Variants in NOX1 observed in about 807,000 individuals in gnomAD.
The protein encoded by NOX1 is NADPH oxidase 1, also known as NADH/NADPH mitogenic oxidase subunit P65-MOX.
In NOX1, 34 loss-of-function variants were observed where a neutral mutation model predicts 42.5. That is an observed-to-expected ratio of 0.80 (90% CI 0.61 to 1.07). The LOEUF (loss-of-function observed/expected upper bound fraction) is 1.07. Ranked by LOEUF, NOX1 falls within the 50% of genes least tolerant of loss-of-function variation. The pLI is 0.00. For synonymous variants in NOX1, 143 were observed against 152.5 expected (o/e 0.94, Z 0.46); for missense variants, 408 against 427.0 (o/e 0.96, Z 0.39).
rs1218126004 is a variant in NOX1 at position 100,843,640 on chromosome X, A to G, written c.*312T>C. On this transcript the variant is annotated 3_prime_UTR_variant, in exon 13 of 13. Transcript: ENST00000372966. ...GATAAAATCACCTGGGATTAGTTGT[A>G]TAACTCTGAACCACCAAACCTCTGC... 1 of 459,388 alleles carries G rather than the reference A, an allele frequency of 2.2e-6. No homozygotes were observed. The highest frequency in any genetic ancestry group is 4.4e-5 in the East Asian group (1 of 22,664). 37.9% of individuals were successfully genotyped at this position (459,388 alleles called of 1,213,427 possible).
At position 100,870,370 on chromosome X, in the gene NOX1, T is replaced by G. The variant is rs1002338099; in HGVS notation, c.141+349A>C. The stretch of plus-strand genomic sequence containing the variant: ...TTCTGGAAACCAGTTTGAAAACAAC[T>G]GCCTAATAGTTTTCTTTATTGCATG... On this transcript the variant is annotated intron_variant, in intron 2 of 12. Coordinates refer to ENST00000372966, the MANE Select transcript of NOX1 (RefSeq NM_007052.5). Among the ~76,000 whole-genome samples the G allele has an allele frequency of 3.6e-5, 4 of 111,326 alleles. No individual in the cohort carries two copies. In the Admixed American group the frequency reaches 3.8e-4, roughly 11 times the overall value.
rs773049273 is a variant in NOX1, at chrX:100,845,611, GTT to G, written c.1569-1535_1569-1534del. 2.8e-3 allele frequency among the ~76,000 whole-genome samples: 119 copies of G among 42,759 alleles called. 1 individual carries two copies. Among genetic ancestry groups the G allele is most frequent in the African/African-American group, 6.8e-3 (57 of 8,341 alleles). The allele number at this position is 42,759 out of a possible 115,157, so 37.1% of individuals were successfully genotyped here. A position where few individuals can be genotyped will look rare whatever the true frequency, so the allele number is the denominator to read the frequency against. On this transcript the variant is annotated intron_variant, in intron 12 of 12. Transcript: ENST00000372966. ...TTGCTGGGTCATATGGAAACTATGT[GTT>G]TTTTTTTTTTTTTTTTTTTTGAGAC...
chrX:100,862,577 T>C lies in NOX1; in HGVS notation c.490-4A>G, dbSNP rs1184704099. 1.7e-6 allele frequency: 2 copies of C among 1,204,532 alleles called. No homozygotes were observed. The highest frequency in any genetic ancestry group is 2.2e-5 in the Admixed American group (1 of 45,377). ...TGAATGTCACATACTCCACTGTCTG[T>C]GAAAGGAGAAATGTCAGCCTGACAC... On this transcript the variant is annotated splice_region_variant and splice_polypyrimidine_tract_variant and intron_variant, in intron 5 of 12. Coordinates refer to ENST00000372966, the MANE Select transcript of NOX1 (RefSeq NM_007052.5).
At chrX:100,853,500 A>G (rs1285502484) in intron 7 of NOX1, among the ~76,000 whole-genome samples, 4 of 93,599 alleles carry the variant, frequency 4.3e-5, no homozygotes, top group Non-Finnish European at 9.0e-5. Flanking sequence ...TCCCGGGTTC[A>G]AGCAACTCTC....
In NOX1 at chrX:100,855,742, A is replaced by C. The variant is rs147439987; in HGVS notation, c.805-4417T>G. On this transcript the variant is annotated intron_variant, in intron 7 of 12. Transcript: ENST00000372966. ...CCACCAAAGCCACCATGACCACTGA[A>C]GTTTCCTCCACAACCAAAGTTTTCA... The C allele has an allele frequency of 3.0e-3, 3,028 of 1,017,704 alleles. 50 individuals are homozygous for C. In the African/African-American group the frequency reaches 0.048, roughly 16 times the overall value. The allele number at this position is 1,017,704 out of a possible 1,213,427, so 83.9% of individuals were successfully genotyped here. A position where few individuals can be genotyped will look rare whatever the true frequency, so the allele number is the denominator to read the frequency against.
At chrX:100,859,288 G>C (rs916882197) in intron 7 of NOX1, among the ~76,000 whole-genome samples, 1 of 112,162 alleles carries the variant, frequency 8.9e-6, no homozygotes, top group Admixed American at 9.5e-5. Context: ...AAGCCTACTT[G>C]ATCGTGGTGG....
rs140289282 is a variant in NOX1 at position 100,843,880 on chromosome X, C to A, written c.*72G>T. On this transcript the variant is annotated 3_prime_UTR_variant, in exon 13 of 13. Coordinates refer to ENST00000372966, the MANE Select transcript of NOX1 (RefSeq NM_007052.5). The stretch of plus-strand genomic sequence containing the variant: ...TCTTATCCTAAAGTGACTGCTCAAA[C>A]CTGACGAGACCAAGTAAATTACTGA... The A allele has an allele frequency of 3.4e-3, 3,263 of 965,742 alleles. 38 individuals are homozygous for A. Among genetic ancestry groups the A allele is most frequent in the East Asian group, 0.029 (921 of 32,015 alleles). 79.6% of individuals were successfully genotyped at this position (965,742 alleles called of 1,213,427 possible). A position where few individuals can be genotyped will look rare whatever the true frequency, so the allele number is the denominator to read the frequency against.
chrX:100,874,237 A>G lies in NOX1; in HGVS notation c.-98T>C, dbSNP rs1374284795. On this transcript the variant is annotated 5_prime_UTR_variant, in exon 1 of 13. Transcript: ENST00000372966. ...CAGGAATGGAACATTTGTCCAGCGC[A>G]GGGTCTGTGAGCCTTTAAGATGTGA... The G allele has an allele frequency of 6.9e-5, 39 of 568,757 alleles. No homozygotes were observed. In the South Asian group the frequency reaches 9.3e-4, roughly 14 times the overall value. The allele number at this position is 568,757 out of a possible 1,213,427, so 46.9% of individuals were successfully genotyped here. A position where few individuals can be genotyped will look rare whatever the true frequency, so the allele number is the denominator to read the frequency against.
At position 100,849,948 on chromosome X, in the gene NOX1, G is replaced by A. The variant is rs373968764; in HGVS notation, c.1134-14C>T. 2.5e-6 allele frequency: 3 copies of A among 1,180,587 alleles called. No homozygotes were observed. Among genetic ancestry groups the A allele is most frequent in the Non-Finnish European group, 3.4e-6 (3 of 880,958 alleles). On this transcript the variant is annotated splice_polypyrimidine_tract_variant and intron_variant, in intron 9 of 12. Transcript: ENST00000372966. ...TCCACTTCAATCCTGGCAGAAGACAGAAGATAACGGGCAACTGAAGACTCC... is the reference window on the plus strand; with the variant it reads ...TCCACTTCAATCCTGGCAGAAGACAAAAGATAACGGGCAACTGAAGACTCC...
intron 2 of NOX1, among the ~76,000 whole-genome samples, chrX:100,867,253 C>A (rs1212308942): frequency 9.0e-6 from 1 of 111,334 alleles, no homozygotes; most frequent in Admixed American, 9.5e-5. Flanking sequence ...ATCTCCTGAC[C>A]TCGTGATCCG....
In NOX1 at chrX:100,862,273, G is replaced by A; in HGVS notation, c.702C>T (p.Ser234=). ...ACTTGCGAGGATGACTCTCATTCAT[G>A]CTCTCCTCTGTTTGACCCCGGACAA... ...GGIVRGQTEE[S]MNESHPRKCA... Residue 234 remains serine (S), a synonymous_variant, in exon 7 of 13, where the codon AGC becomes AGT. Coordinates refer to ENST00000372966, the MANE Select transcript of NOX1 (RefSeq NM_007052.5). 1 of 1,210,700 alleles carries A rather than the reference G, an allele frequency of 8.3e-7. No individual in the cohort carries two copies. Among genetic ancestry groups the A allele is most frequent in the Non-Finnish European group, 1.1e-6 (1 of 894,948 alleles).
chrX:100,853,256 TCCTTC>T (rs2085129157), intron 7 of NOX1, among the ~76,000 whole-genome samples: 1 of 38,077 alleles, frequency 2.6e-5, no homozygotes, highest in East Asian at 4.9e-4. Flanking sequence ...CTTCCTTCCT[TCCTTC>T]CTTTCTTTCT....
In NOX1 at chrX:100,854,329, AT is replaced by A. The variant is rs1007409206; in HGVS notation, c.805-3005del. On this transcript the variant is annotated intron_variant, in intron 7 of 12. Transcript: ENST00000372966. ...TAAATGGGGTGAATATGGAGAGAGT[AT>A]TTTTTAAATGTTTATGGAAGAAACA... is the stretch of plus-strand genomic sequence containing the variant. Among the ~76,000 whole-genome samples the A allele has an allele frequency of 3.6e-5, 4 of 111,744 alleles. No homozygotes were observed. In the Admixed American group the frequency reaches 3.8e-4, roughly 11 times the overall value.
In NOX1 at chrX:100,862,249, C is replaced by CT; in HGVS notation, c.725dup (p.Cys243ValfsTer6). On this transcript the variant is annotated frameshift_variant, in exon 7 of 13. Transcript: ENST00000372966. LOFTEE classifies it high-confidence loss of function. Reference sequence around the variant, plus strand: ...CCCACATCTCAAAAGACTCTGCACACTTGCGAGGATGACTCTCATTCATGC... The same window carrying CT: ...CCCACATCTCAAAAGACTCTGCACACTTTGCGAGGATGACTCTCATTCATGC... 8.3e-7 allele frequency: 1 copy of CT among 1,211,080 alleles called. No individual in the cohort carries two copies. The highest frequency in any genetic ancestry group is 1.1e-6 in the Non-Finnish European group (1 of 895,071).
intron 7 of NOX1, among the ~76,000 whole-genome samples, chrX:100,851,656 C>T (rs111728009): frequency 0.024 from 2,731 of 111,850 alleles, 73 homozygotes; most frequent in African/African-American, 0.085. Flanking sequence ...CACAGTGGCT[C>T]ATCCTAGCAC....
intron 4 of NOX1, 39 bp from the exon 5 acceptor site, chrX:100,862,859 C>A: frequency 8.8e-7 from 1 of 1,130,241 alleles, no homozygotes; most frequent in Admixed American, 2.5e-5. Context: ...AGAGGCATCT[C>A]AGCAACATCA....
chrX:100,849,349 C>T lies in NOX1; in HGVS notation c.1374G>A (p.Glu458=), dbSNP rs1164810050. The change falls in exon 11 of 13, where the codon GAG becomes GAA. Residue 458 remains glutamate (E), a synonymous_variant. Transcript: ENST00000372966. ...FNNLLTSLEQ[E]MEELGKVGFL... Reference sequence around the variant, plus strand: ...AACCCACTTTGCCTAATTCCTCCATCTCCTGTTCCAGGGAAGTCAACAGGT... The same window carrying T: ...AACCCACTTTGCCTAATTCCTCCATTTCCTGTTCCAGGGAAGTCAACAGGT... 6 of 1,210,937 alleles carry T rather than the reference C, an allele frequency of 5.0e-6. No homozygotes were observed. The highest frequency in any genetic ancestry group is 6.7e-6 in the Non-Finnish European group (6 of 894,571).
chrX:100,853,268 T>TTC (rs1569445482), intron 7 of NOX1, among the ~76,000 whole-genome samples: 5 of 42,343 alleles, frequency 1.2e-4, no homozygotes, highest in African/African-American at 5.5e-4. Flanking sequence ...CTTCCTTTCT[T>TTC]TCTTTCTTTC....
At chrX:100,855,808 G>C in intron 7 of NOX1, 1 of 1,118,614 alleles carries the variant, frequency 8.9e-7, no homozygotes, top group Non-Finnish European at 1.2e-6. Context: ...CGACCTCTTT[G>C]GCTGGATGAA....
Sources: gnomAD v4.1 joint callset for allele counts (sites outside exome capture counted in the v4.1 genomes callset) on GRCh38, gnomAD v4.1.1 for gene constraint, MANE v1.5 for transcripts, NCBI Gene and HGNC (gene_info 2026-07-23, HGNC 2026-07-21) for gene names.